CAPS2: variants seen among roughly 807,000 people sequenced by gnomAD.
CAPS2 encodes calcyphosin-2.
CAPS2 carries 98 observed loss-of-function variants against 86.5 expected under a neutral mutation model. That is an observed-to-expected ratio of 1.13 (90% CI 0.96 to 1.34). CAPS2 has a LOEUF of 1.34. Ranked by LOEUF, CAPS2 falls within the 40% of genes most tolerant of loss-of-function variation. The pLI, the probability that CAPS2 is intolerant of heterozygous loss-of-function variation, is 0.00. For missense variants in CAPS2, 729 were observed against 686.8 expected, an observed-to-expected ratio of 1.06 and a Z score of -0.69; for synonymous variants, 210 against 225.1, an observed-to-expected ratio of 0.93 and a Z score of 0.60.
At chr12:75,295,363 C>T (rs377603941) in intron 11 of CAPS2, among the ~76,000 whole-genome samples, 117 of 152,300 alleles carry the variant, frequency 7.7e-4, no homozygotes, top group Middle Eastern at 3.4e-3. Flanking sequence ...AGATGCTGCA[C>T]CACCATAACT....
chr12:75,277,404 CTA>C (rs775948910), exon 17 of CAPS2: 1 of 974,464 alleles, frequency 1.0e-6, no homozygotes, highest in Non-Finnish European at 1.2e-6. Context: ...TTTAAGATGT[CTA>C]TAGTTGGATA....
upstream of CAPS2, among the ~76,000 whole-genome samples, chr12:75,331,765 G>C (rs981307830): frequency 1.3e-5 from 2 of 151,858 alleles, no homozygotes. Flanking sequence ...GGGTTTCACC[G>C]TTTTAGCCGG....
chr12:75,377,912 C>G (rs1234427111), intron 1 of CAPS2, among the ~76,000 whole-genome samples: 1 of 150,918 alleles, frequency 6.6e-6, no homozygotes, highest in Admixed American at 6.6e-5. Flanking sequence ...TATATATAAT[C>G]ATTTTAAATG....
chr12:75,292,140 C>A (rs2036077465), intron 12 of CAPS2, among the ~76,000 whole-genome samples: 2 of 152,114 alleles, frequency 1.3e-5, no homozygotes, highest in Non-Finnish European at 2.9e-5. Context: ...GATCTCGGCT[C>A]ACTGCAACCT....
At chr12:75,341,473 G>C (rs536933722) in intron 1 of CAPS2, among the ~76,000 whole-genome samples, 1 of 152,040 alleles carries the variant, frequency 6.6e-6, no homozygotes, top group African/African-American at 2.4e-5. Context: ...TTGAAACGGA[G>C]TCTCGCTGTG....
intron 13 of CAPS2, among the ~76,000 whole-genome samples, chr12:75,291,538 G>A (rs1444566886): frequency 9.3e-3 from 241 of 25,890 alleles, no homozygotes; most frequent in Middle Eastern, 0.028. Context: ...ATTTTAAAAA[G>A]TATATATATA....
rs911621368 is a variant in CAPS2, at chr12:75,306,153, C to G, written c.660-1277G>C. 39 of 1,021,330 alleles carry G rather than the reference C, an allele frequency of 3.8e-5. No homozygotes were observed. In the African/African-American group the frequency reaches 6.1e-4, roughly 16 times the overall value. 63.3% of individuals were successfully genotyped at this position (1,021,330 alleles called of 1,614,324 possible). ...TGCGGAAGCTCATCACCGAGGAGTTCGTCCAGCAGAATTACCTGAAGTACC... is the reference window on the plus strand; with the variant it reads ...TGCGGAAGCTCATCACCGAGGAGTTGGTCCAGCAGAATTACCTGAAGTACC... On this transcript the variant is annotated intron_variant, in intron 7 of 16. Transcript: ENST00000393284.
At chr12:75,283,133 T>C (rs566104154) in intron 15 of CAPS2, among the ~76,000 whole-genome samples, 1 of 152,266 alleles carries the variant, frequency 6.6e-6, no homozygotes, top group African/African-American at 2.4e-5. Flanking sequence ...TGTTACTCTA[T>C]TTCTTGAAAT....
In CAPS2 at chr12:75,360,595, G is replaced by T. The variant is rs1022785430; in HGVS notation, c.-395+30243C>A. 6 of 152,176 alleles carry T rather than the reference G, an allele frequency of 3.9e-5. No individual in the cohort carries two copies. In the East Asian group the frequency reaches 1.2e-3, roughly 29 times the overall value. The allele number at this position is 152,176 out of a possible 1,614,324, so 9.4% of individuals were successfully genotyped here. A position where few individuals can be genotyped will look rare whatever the true frequency, so the allele number is the denominator to read the frequency against. ...CGGGGGCATGCTGATGGGAGAGGTG[G>T]GTTCCCATGGCCTTAGGCAGCTCCT... On this transcript the variant is annotated intron_variant, in intron 1 of 5. Coordinates refer to the CAPS2 transcript ENST00000551829.
At position 75,358,481 on chromosome 12, in the gene CAPS2, T is replaced by C. The variant is rs571071976; in HGVS notation, c.-395+32357A>G. Reference sequence around the variant, plus strand: ...AGAATTATATGATTATCTCAATAGATTCAGAAAAAGCCAAACATTCATTCC... The same window carrying C: ...AGAATTATATGATTATCTCAATAGACTCAGAAAAAGCCAAACATTCATTCC... On this transcript the variant is annotated intron_variant, in intron 1 of 5. Transcript: ENST00000551829. Among the ~76,000 whole-genome samples the C allele has an allele frequency of 9.9e-5, 15 of 151,286 alleles. No homozygotes were observed. The South Asian group carries it at 2.5e-3, about 25-fold the overall frequency.
intron 1 of CAPS2, among the ~76,000 whole-genome samples, chr12:75,366,424 G>A (rs983328008): frequency 1.3e-5 from 2 of 152,140 alleles, no homozygotes; most frequent in Non-Finnish European, 2.9e-5. Context: ...GTTGCAGATT[G>A]ACCTTTGGGC....
chr12:75,293,502 A>G, intron 11 of CAPS2, 135 bp from the exon 12 acceptor site: 1 of 647,408 alleles, frequency 1.5e-6, no homozygotes, highest in Non-Finnish European at 2.7e-6. Context: ...TATTTGGAGA[A>G]TGCTTATATG....
chr12:75,278,240 C>T (rs1261637896), exon 17 of CAPS2: 10 of 982,674 alleles, frequency 1.0e-5, no homozygotes, highest in African/African-American at 1.7e-5. Context: ...TAACCAACAA[C>T]AGTACATAAT....
chr12:75,335,891 T>C (rs1487766305), intron 1 of CAPS2, among the ~76,000 whole-genome samples: 1 of 151,986 alleles, frequency 6.6e-6, no homozygotes, highest in Non-Finnish European at 1.5e-5. Context: ...ATTAATATGG[T>C]TGATGCCTTT....
At chr12:75,363,032 G>T in intron 1 of CAPS2, 1 of 673,490 alleles carries the variant, frequency 1.5e-6, no homozygotes, top group Non-Finnish European at 2.5e-6. Flanking sequence ...AAAACAACTT[G>T]CATACATGCA....
At chr12:75,365,416 T>C (rs1037678643) in intron 1 of CAPS2, among the ~76,000 whole-genome samples, 11 of 152,178 alleles carry the variant, frequency 7.2e-5, no homozygotes, top group African/African-American at 1.2e-4. Context: ...TAAAAAATTA[T>C]AACCTGATAC....
upstream of CAPS2, among the ~76,000 whole-genome samples, chr12:75,332,819 T>A (rs1042959815): frequency 6.6e-6 from 1 of 151,940 alleles, no homozygotes; most frequent in Non-Finnish European, 1.5e-5. Context: ...AAAAAATAAA[T>A]AACATAAATT....
intron 16 of CAPS2, among the ~76,000 whole-genome samples, chr12:75,280,328 G>A (rs1172193038): frequency 1.3e-5 from 2 of 151,614 alleles, no homozygotes; most frequent in Non-Finnish European, 3.0e-5. Flanking sequence ...AATAATAATG[G>A]GGTACTTTTT....
chr12:75,278,671 C>G, exon 17 of CAPS2: 1 of 1,237,388 alleles, frequency 8.1e-7, no homozygotes, highest in Non-Finnish European at 1.0e-6. Context: ...CAGGCATACA[C>G]ATGCACAAAC....
Sources: gnomAD v4.1 joint callset for allele counts (sites outside exome capture counted in the v4.1 genomes callset) on GRCh38, gnomAD v4.1.1 for gene constraint, MANE v1.5 for transcripts, NCBI Gene and HGNC (gene_info 2026-07-23, HGNC 2026-07-21) for gene names.